Variants in PPP2R5D observed in about 807,000 individuals in gnomAD.
PPP2R5D encodes the protein protein phosphatase 2 regulatory subunit B'delta, also known as serine/threonine-protein phosphatase 2A 56 kDa regulatory subunit delta isoform.
Under a neutral mutation model 79.1 loss-of-function variants are expected in PPP2R5D, and 12 were observed. The observed-to-expected ratio is 0.15, with a 90% CI of 0.10 to 0.25. The LOEUF (loss-of-function observed/expected upper bound fraction) is 0.25, where lower values mean the gene tolerates loss of function less well. Ranked by LOEUF, PPP2R5D falls within the 10% of genes least tolerant of loss-of-function variation. PPP2R5D has a pLI of 1.00. For synonymous variants in PPP2R5D, 277 were observed against 286.6 expected (o/e 0.97, Z 0.34); for missense variants, 419 against 760.2 (o/e 0.55, Z 5.28).
rs374641439 is a variant in PPP2R5D at position 43,010,926 on chromosome 6, A to G, written c.1600A>G (p.Met534Val). Residue 534 changes from methionine (M) to valine (V), a missense_variant, in exon 15 of 16, where the codon ATG (methionine) becomes GTG (valine). This residue lies in a region of PPP2R5D where 84 missense variants were observed against 105.4 expected (regional missense o/e 0.80). Coordinates refer to ENST00000485511, the MANE Select transcript of PPP2R5D (RefSeq NM_006245.4). The surrounding 1 kb of genome is among the most constrained non-coding windows in gnomAD (Gnocchi z 4.7). ...APPPLPPVYS[M>V]ETETPTAEDI... The stretch of plus-strand genomic sequence containing the variant: ...TCCACCACTGCCCCCTGTGTACTCG[A>G]TGGAGACAGAGACCCCCACAGCTGA... 2 of 1,613,922 alleles carry G rather than the reference A, an allele frequency of 1.2e-6. No homozygotes were observed. The highest frequency in any genetic ancestry group is 1.3e-5 in the African/African-American group (1 of 74,862).
At chr6:42,996,055 AG>A (rs887898531) in intron 2 of PPP2R5D, among the ~76,000 whole-genome samples, 2 of 138,242 alleles carry the variant, frequency 1.4e-5, no homozygotes, top group Non-Finnish European at 3.1e-5. Context: ...CATGTTGGCC[AG>A]GATGGTCTCG....
chr6:42,989,048 A>G (rs995870489), intron 1 of PPP2R5D, among the ~76,000 whole-genome samples: 2 of 152,138 alleles, frequency 1.3e-5, no homozygotes, highest in African/African-American at 4.8e-5. Flanking sequence ...TGCTCTTGGC[A>G]TTTTGAGTGG....
In PPP2R5D at chr6:43,007,026, G is replaced by A; in HGVS notation, c.438G>A (p.Arg146=). Residue 146 remains arginine (R), a synonymous_variant, in exon 4 of 16, where the codon CGG becomes CGA. Transcript: ENST00000485511. The surrounding 1 kb of genome is among the most constrained non-coding windows in gnomAD (Gnocchi z 4.5). Reference sequence around the variant, plus strand: ...ACCTCAAATTCAAGGAGGTGAAGCGGGCAGGACTCAACGAGATGGTGGAGT... The same window carrying A: ...ACCTCAAATTCAAGGAGGTGAAGCGAGCAGGACTCAACGAGATGGTGGAGT... ...LSDLKFKEVK[R]AGLNEMVEYI... 1 of 1,614,158 alleles carries A rather than the reference G, an allele frequency of 6.2e-7. No individual in the cohort carries two copies. The highest frequency in any genetic ancestry group is 8.5e-7 in the Non-Finnish European group (1 of 1,180,032).
At position 43,006,959 on chromosome 6, in the gene PPP2R5D, A is replaced by G; in HGVS notation, c.371A>G (p.Gln124Arg). Reference protein sequence around the residue: ...REELFIQKLRQCCVLFDFVSD... With the variant: ...REELFIQKLRRCCVLFDFVSD... ...GAGCTGTTTATCCAGAAGCTACGCC[A>G]GTGCTGTGTCCTCTTTGACTTCGTG... Residue 124 changes from glutamine to arginine, a missense_variant, in exon 4 of 16, where the codon CAG (glutamine) becomes CGG (arginine). By Grantham distance (43) the Gln-to-Arg change is conservative. Transcript: ENST00000485511. This position sits in a 1 kb window ranked among gnomAD's most constrained non-coding sequence, Gnocchi z 4.7. 6.2e-7 allele frequency: 1 copy of G among 1,614,196 alleles called. No individual in the cohort carries two copies. Among genetic ancestry groups the G allele is most frequent in the South Asian group, 1.1e-5 (1 of 91,078 alleles).
At chr6:43,004,023 A>G (rs1186638906) in intron 2 of PPP2R5D, among the ~76,000 whole-genome samples, 1 of 119,660 alleles carries the variant, frequency 8.4e-6, no homozygotes, top group Non-Finnish European at 1.7e-5. Flanking sequence ...CGGCCTGTGT[A>G]TTTACTTTTT....
At chr6:43,005,052 A>G (rs1261079803) in intron 2 of PPP2R5D, among the ~76,000 whole-genome samples, 2 of 151,522 alleles carry the variant, frequency 1.3e-5, no homozygotes, top group Non-Finnish European at 2.9e-5. Context: ...CCTGGCCCAT[A>G]GTTTTTATAA....
At position 42,988,841 on chromosome 6, in the gene PPP2R5D, C is replaced by T. The variant is rs559245906; in HGVS notation, c.28-770C>T. On this transcript the variant is annotated intron_variant, in intron 1 of 15. Transcript: ENST00000485511. ...GAGCTTGCAGTCAGACCTAAATCCCCAAGTCTTTTTCACATTTTCCCTATC... is the reference window on the plus strand; with the variant it reads ...GAGCTTGCAGTCAGACCTAAATCCCTAAGTCTTTTTCACATTTTCCCTATC... Among the ~76,000 whole-genome samples, 3 of 152,304 alleles carry T rather than the reference C, an allele frequency of 2.0e-5. No individual in the cohort carries two copies. In the South Asian group the frequency reaches 6.2e-4, roughly 32 times the overall value.
chr6:42,998,617 G>A (rs562547993), intron 2 of PPP2R5D, among the ~76,000 whole-genome samples: 1 of 152,312 alleles, frequency 6.6e-6, no homozygotes, highest in East Asian at 1.9e-4. Flanking sequence ...AGAAGTGAGG[G>A]CCAGGTATGG....
In PPP2R5D at chr6:43,006,385, C is replaced by A. The variant is rs1277184780; in HGVS notation, c.106-78C>A. 3.1e-5 allele frequency: 48 copies of A among 1,542,268 alleles called. No individual in the cohort carries two copies. Among genetic ancestry groups the A allele is most frequent in the Non-Finnish European group, 4.1e-5 (47 of 1,145,248 alleles). ...CTGCCCAGGCCTGTGCAGGCATAAA[C>A]AGACTTGGGGATGGCCAGGCCCAGG... On this transcript the variant is annotated intron_variant, in intron 2 of 15. Transcript: ENST00000485511. The surrounding 1 kb of genome is among the most constrained non-coding windows in gnomAD (Gnocchi z 4.7).
At chr6:42,997,652 G>A (rs1771801647) in intron 2 of PPP2R5D, among the ~76,000 whole-genome samples, 1 of 152,018 alleles carries the variant, frequency 6.6e-6, no homozygotes, top group African/African-American at 2.4e-5. Context: ...TGAGATTACA[G>A]GCGCCCGCCA....
chr6:42,995,154 A>G (rs1169933886), intron 2 of PPP2R5D, among the ~76,000 whole-genome samples: 2 of 98,978 alleles, frequency 2.0e-5, no homozygotes, highest in African/African-American at 1.1e-4. Context: ...TTTTGGAGAT[A>G]GGGTCTCACT....
intron 1 of PPP2R5D, among the ~76,000 whole-genome samples, chr6:42,986,761 A>G (rs183446124): frequency 6.6e-6 from 1 of 152,090 alleles, no homozygotes; most frequent in African/African-American, 2.4e-5. Context: ...TCCCATCCAC[A>G]GAAAGCAATA....
intron 1 of PPP2R5D, among the ~76,000 whole-genome samples, chr6:42,986,612 C>T (rs1006336851): frequency 2.0e-5 from 3 of 151,748 alleles, no homozygotes; most frequent in African/African-American, 7.3e-5. Flanking sequence ...AGTGGGCATG[C>T]GGAGGTGGTT....
intron 2 of PPP2R5D, among the ~76,000 whole-genome samples, chr6:42,993,295 C>T (rs1381356944): frequency 7.0e-6 from 1 of 143,598 alleles, no homozygotes; most frequent in Non-Finnish European, 1.5e-5. Flanking sequence ...GAAACTCCGT[C>T]TCAAAAAAAA....
chr6:43,010,211 G>T lies in PPP2R5D; in HGVS notation c.1380-257G>T, dbSNP rs930600487. On this transcript the variant is annotated intron_variant, in intron 12 of 15. Coordinates refer to ENST00000485511, the MANE Select transcript of PPP2R5D (RefSeq NM_006245.4). This position sits in a 1 kb window ranked among gnomAD's most constrained non-coding sequence, Gnocchi z 4.7. ...TGTGGGTTAGAGTGGGAAAGGATGG[G>T]AGGTAGGCAGGCCTTGGAGCATGGG... Among the ~76,000 whole-genome samples, 1 of 152,222 alleles carries T rather than the reference G, an allele frequency of 6.6e-6. No homozygotes were observed. The highest frequency in any genetic ancestry group is 1.5e-5 in the Non-Finnish European group (1 of 68,044).
intron 1 of PPP2R5D, among the ~76,000 whole-genome samples, chr6:42,985,118 TG>T (rs1361033338): frequency 7.0e-6 from 1 of 142,078 alleles, no homozygotes; most frequent in East Asian, 2.1e-4. Context: ...CGCCCCGCCC[TG>T]AGCAGCCCCT....
At position 43,000,236 on chromosome 6, in the gene PPP2R5D, C is replaced by CTTTTTTTTT. The variant is rs1204045076; in HGVS notation, c.106-6216_106-6208dup. Reference sequence around the variant, plus strand: ...GGCGTGAGCCACCACGTCTGGCCACCTTTTTTTTTTTTTTTTTTTGAGATA... The same window carrying CTTTTTTTTT: ...GGCGTGAGCCACCACGTCTGGCCACCTTTTTTTTTTTTTTTTTTTTTTTTTTTTGAGATA... On this transcript the variant is annotated intron_variant, in intron 2 of 15. Coordinates refer to ENST00000485511, the MANE Select transcript of PPP2R5D (RefSeq NM_006245.4). Among the ~76,000 whole-genome samples the CTTTTTTTTT allele has an allele frequency of 6.8e-3, 723 of 105,968 alleles. 40 individuals are homozygous for CTTTTTTTTT. Among genetic ancestry groups the CTTTTTTTTT allele is most frequent in the African/African-American group, 0.015 (300 of 20,284 alleles). 69.5% of individuals were successfully genotyped at this position (105,968 alleles called of 152,430 possible). A position where few individuals can be genotyped will look rare whatever the true frequency, so the allele number is the denominator to read the frequency against.
chr6:43,009,147 A>G lies in PPP2R5D; in HGVS notation c.1171A>G (p.Ile391Val), dbSNP rs766484400. 6 of 1,614,164 alleles carry G rather than the reference A, an allele frequency of 3.7e-6. No homozygotes were observed. The South Asian group carries it at 6.6e-5, about 18-fold the overall frequency. ...LNELEEILDVIEPSEFSKVME... is the reference protein window; with the variant it reads ...LNELEEILDVVEPSEFSKVME... ...TGAGCTGGAGGAGATTCTGGACGTC[A>G]TTGAACCTTCTGAGTTCAGCAAAGT... Residue 391 changes from isoleucine to valine, a missense_variant, in exon 11 of 16, where the codon ATT becomes GTT. Physicochemically the swap from Ile to Val is conservative, Grantham distance 29 (BLOSUM62 3). Coordinates refer to ENST00000485511, the MANE Select transcript of PPP2R5D (RefSeq NM_006245.4). The surrounding 1 kb of genome is among the most constrained non-coding windows in gnomAD (Gnocchi z 5.6).
intron 2 of PPP2R5D, among the ~76,000 whole-genome samples, chr6:42,994,190 T>C (rs112693350): frequency 4.6e-5 from 7 of 152,296 alleles, no homozygotes; most frequent in African/African-American, 1.7e-4. Context: ...CTTGGGAGAC[T>C]GAGGCAGGAG....
Sources: allele counts gnomAD v4.1 joint callset (sites outside exome capture counted in the v4.1 genomes callset), GRCh38; gene constraint gnomAD v4.1.1; regional missense constraint gnomAD v4.1.1; non-coding constraint Gnocchi (gnomAD v3.1); transcripts MANE v1.5; gene names NCBI Gene and HGNC (gene_info 2026-07-23, HGNC 2026-07-21).